PTPN12: variants seen among roughly 807,000 people sequenced by gnomAD.
PTPN12 encodes the protein tyrosine-protein phosphatase non-receptor type 12.
Under a neutral mutation model 97.6 loss-of-function variants are expected in PTPN12, and 29 were observed. The observed-to-expected ratio is 0.30, with a 90% confidence interval of 0.22 to 0.41. PTPN12 has a LOEUF of 0.41. PTPN12 is among the 10% of genes least tolerant of loss of function. The pLI is 1.00. For synonymous variants in PTPN12, 327 were observed against 300.4 expected, an observed-to-expected ratio of 1.09 and a Z score of -0.91; for missense variants, 819 against 926.0, an observed-to-expected ratio of 0.88 and a Z score of 1.50.
chr7:77,555,404 A>C (rs1210776142), intron 1 of PTPN12, among the ~76,000 whole-genome samples: 1 of 151,952 alleles, frequency 6.6e-6, no homozygotes, highest in African/African-American at 2.4e-5. Flanking sequence ...TATTACCCTT[A>C]TGCATATTTA....
At position 77,626,761 on chromosome 7, in the gene PTPN12, C is replaced by T. The variant is rs373363438; in HGVS notation, c.1082C>T (p.Pro361Leu). The T allele has an allele frequency of 7.4e-6, 12 of 1,612,806 alleles. No individual in the cohort carries two copies. The highest frequency in any genetic ancestry group is 2.2e-5 in the East Asian group (1 of 44,880). Residue 361 changes from proline to leucine, a missense_variant, in exon 13 of 18, where the codon CCA becomes CTA. Transcript: ENST00000248594. ...EEILQPPEPHPVPPILTPSPP... is the reference protein window; with the variant it reads ...EEILQPPEPHLVPPILTPSPP... ...ATACTGCAGCCACCGGAACCTCATC[C>T]AGTGCCACCCATCTTGACACCTTCT...
intron 10 of PTPN12, 25 bp downstream of exon 10, chr7:77,610,867 A>G (rs1269379299): frequency 6.3e-7 from 1 of 1,589,492 alleles, no homozygotes; most frequent in Non-Finnish European, 8.5e-7. Context: ...TTCCCTTTAT[A>G]AACTGCTATT....
At chr7:77,604,455 TC>T (rs1375104508) in intron 8 of PTPN12, among the ~76,000 whole-genome samples, 3 of 151,224 alleles carry the variant, frequency 2.0e-5, no homozygotes, top group African/African-American at 7.3e-5. Flanking sequence ...CCTCAGGTGA[TC>T]ACCTGCCTCG....
intron 13 of PTPN12, among the ~76,000 whole-genome samples, chr7:77,627,967 A>C (rs1039194959): frequency 6.6e-6 from 1 of 152,170 alleles, no homozygotes; most frequent in African/African-American, 2.4e-5. Flanking sequence ...TATCGGTCAA[A>C]AATTTATCTG....
Position 77,626,705 on chromosome 7 carries a change from T to G in PTPN12, c.1026T>G (p.Ser342Arg). The change falls in exon 13 of 18, where the codon AGT becomes AGG. Residue 342 changes from serine to arginine, a missense_variant and splice_region_variant. This residue lies in a region of PTPN12 where 607 missense variants were observed against 577.3 expected (regional missense o/e 1.05). Coordinates refer to ENST00000248594, the MANE Select transcript of PTPN12 (RefSeq NM_002835.4). ...CCCTTTTTAAATGTTTGTTTTTCAG[T>G]TGCCTTGTTGAAGGGGATGCTAAAG... is the stretch of plus-strand genomic sequence containing the variant. ...SPPPKPPRTR[S>R]CLVEGDAKEE... The G allele has an allele frequency of 6.3e-7, 1 of 1,585,690 alleles. No homozygotes were observed. The highest frequency in any genetic ancestry group is 1.1e-5 in the South Asian group (1 of 87,784).
chr7:77,600,639 T>C, intron 7 of PTPN12, 25 bp from the exon 8 acceptor site: 1 of 1,559,998 alleles, frequency 6.4e-7, no homozygotes, highest in Non-Finnish European at 8.7e-7. Context: ...TTTTCATAAT[T>C]GTTGACTTTC....
At position 77,565,540 on chromosome 7, in the gene PTPN12, C is replaced by G. The variant is rs551015506; in HGVS notation, c.100-5538C>G. Among the ~76,000 whole-genome samples the G allele has an allele frequency of 2.6e-5, 4 of 152,236 alleles. No individual in the cohort carries two copies. The East Asian group carries it at 5.8e-4, about 22-fold the overall frequency. On this transcript the variant is annotated intron_variant, in intron 1 of 17. Coordinates refer to ENST00000248594, the MANE Select transcript of PTPN12 (RefSeq NM_002835.4). ...GCCCATTACACATCCAGTGGACAGG[C>G]CAATAGACAGCTCTTTGACTCTGGA... is the stretch of plus-strand genomic sequence containing the variant.
At position 77,626,715 on chromosome 7, in the gene PTPN12, G is replaced by A. The variant is rs1461670446; in HGVS notation, c.1036G>A (p.Glu346Lys). The change falls in exon 13 of 18, where the codon GAA becomes AAA. Residue 346 changes from glutamate (E) to lysine (K), a missense_variant. Around this residue, in one of 5 missense-constraint regions of PTPN12, gnomAD observed 607 missense variants for 577.3 expected, o/e 1.05. Coordinates refer to ENST00000248594, the MANE Select transcript of PTPN12 (RefSeq NM_002835.4). ...KPPRTRSCLVEGDAKEEILQP... is the reference protein window; with the variant it reads ...KPPRTRSCLVKGDAKEEILQP... ...ATGTTTGTTTTTCAGTTGCCTTGTTGAAGGGGATGCTAAAGAAGAAATACT... is the reference window on the plus strand; with the variant it reads ...ATGTTTGTTTTTCAGTTGCCTTGTTAAAGGGGATGCTAAAGAAGAAATACT... 3 of 1,596,840 alleles carry A rather than the reference G, an allele frequency of 1.9e-6. No individual in the cohort carries two copies. Among genetic ancestry groups the A allele is most frequent in the Non-Finnish European group, 2.6e-6 (3 of 1,172,060 alleles).
intron 1 of PTPN12, among the ~76,000 whole-genome samples, chr7:77,567,880 T>C (rs1457028117): frequency 6.6e-6 from 1 of 152,210 alleles, no homozygotes; most frequent in Non-Finnish European, 1.5e-5. Context: ...ATCTCAGTTT[T>C]ATAGATGAGA....
At chr7:77,573,119 G>T (rs1396030087) in intron 2 of PTPN12, among the ~76,000 whole-genome samples, 11 of 116,998 alleles carry the variant, frequency 9.4e-5, no homozygotes, top group Non-Finnish European at 1.4e-4. Context: ...AAAAACCAGT[G>T]TACCTAGCAC....
chr7:77,566,897 T>C (rs1039007056), intron 1 of PTPN12, among the ~76,000 whole-genome samples: 1 of 152,068 alleles, frequency 6.6e-6, no homozygotes. Flanking sequence ...TGATTAAAAA[T>C]TCTTTCTTGC....
Position 77,618,495 on chromosome 7 carries a change from G to A in PTPN12, c.955G>A (p.Glu319Lys). Residue 319 changes from glutamate (E) to lysine (K), a missense_variant, in exon 12 of 18, where the codon GAA (glutamate) becomes AAA (lysine). By Grantham distance (56) the Glu-to-Lys change is moderately conservative. Transcript: ENST00000248594. ...CCCTTGGCAGAATGAAATTAACACT[G>A]AAAACATGGTCAGCTCCATAGAGCC... ...IADGVNEINT[E>K]NMVSSIEPEK... is the part of the protein sequence containing the mutation. The A allele has an allele frequency of 6.3e-7, 1 of 1,598,048 alleles. No homozygotes were observed. Among genetic ancestry groups the A allele is most frequent in the South Asian group, 1.1e-5 (1 of 88,554 alleles).
intron 8 of PTPN12, chr7:77,601,040 G>A: frequency 2.4e-6 from 1 of 425,320 alleles, no homozygotes. Flanking sequence ...ATGGTGGGAA[G>A]CTATAGAACA....
intron 1 of PTPN12, among the ~76,000 whole-genome samples, chr7:77,562,634 A>T (rs763828303): frequency 6.6e-6 from 1 of 152,176 alleles, no homozygotes; most frequent in South Asian, 2.1e-4. Context: ...GGAACCAGCG[A>T]TTGCTAAGTT....
chr7:77,581,572 A>C, intron 3 of PTPN12, 69 bp downstream of exon 3: 1 of 953,336 alleles, frequency 1.0e-6, no homozygotes, highest in Admixed American at 2.9e-5. Context: ...TTTTGTAAAA[A>C]CTTTTTGAAT....
At chr7:77,625,652 C>T (rs1789152443) in intron 12 of PTPN12, among the ~76,000 whole-genome samples, 1 of 140,342 alleles carries the variant, frequency 7.1e-6, no homozygotes, top group Non-Finnish European at 1.5e-5. Context: ...TCACTGCCAT[C>T]TCCACCTCCT....
chr7:77,587,358 G>A lies in PTPN12; in HGVS notation c.420+1777G>A, dbSNP rs550486572. 6.0e-5 allele frequency among the ~76,000 whole-genome samples: 9 copies of A among 151,058 alleles called. No individual in the cohort carries two copies. In the South Asian group the frequency reaches 1.5e-3, roughly 25 times the overall value. ...TCAGAGCTTTTGGGTGACCAGGTGC[G>A]TTGTAAACGGAAATATTTTGAAAGG... is the stretch of plus-strand genomic sequence containing the variant. On this transcript the variant is annotated intron_variant, in intron 5 of 17. Coordinates refer to ENST00000248594, the MANE Select transcript of PTPN12 (RefSeq NM_002835.4).
intron 6 of PTPN12, among the ~76,000 whole-genome samples, chr7:77,595,354 CAG>C (rs1023888480): frequency 3.1e-4 from 47 of 152,122 alleles, no homozygotes; most frequent in African/African-American, 8.7e-4. Context: ...ACTTGGCAGT[CAG>C]AGTTTGAGAC....
chr7:77,618,274 A>T (rs1788819142), intron 11 of PTPN12, among the ~76,000 whole-genome samples: 1 of 151,990 alleles, frequency 6.6e-6, no homozygotes, highest in Non-Finnish European at 1.5e-5. Flanking sequence ...AGTAACTGTG[A>T]TGCGCTGTTT....
Sources: gnomAD v4.1 joint callset for allele counts (sites outside exome capture counted in the v4.1 genomes callset) on GRCh38, gnomAD v4.1.1 for gene constraint, gnomAD v4.1.1 regional missense constraint, MANE v1.5 for transcripts, NCBI Gene and HGNC (gene_info 2026-07-23, HGNC 2026-07-21) for gene names.